LEMD1: variants seen among roughly 807,000 people sequenced by gnomAD.
The protein encoded by LEMD1 is LEM domain containing 1, also known as LEM domain-containing protein 1.
In LEMD1, 18 loss-of-function variants were observed where a neutral mutation model predicts 17.4. The ratio of observed to expected loss-of-function variants is 1.04; its 90% CI spans 0.72 to 1.54. The LOEUF (loss-of-function observed/expected upper bound fraction) is 1.54, where lower values mean the gene tolerates loss of function less well. Among genes scored for constraint, LEMD1 ranks in the 40% most tolerant of loss-of-function variants. The pLI is 0.00. For missense variants in LEMD1, 195 were observed against 210.4 expected, an observed-to-expected ratio of 0.93 and a Z score of 0.45; for synonymous variants, 88 against 77.8, an observed-to-expected ratio of 1.13 and a Z score of -0.69.
intron 1 of LEMD1, chr1:205,437,641 A>C (rs1030906017): frequency 6.6e-6 from 1 of 152,252 alleles, no homozygotes; most frequent in Non-Finnish European, 1.5e-5. Context: ...GGCAGAGGAA[A>C]CCTGCGACCC....
chr1:205,402,907 T>C (rs1424780333), intron 4 of LEMD1, among the ~76,000 whole-genome samples: 3 of 152,074 alleles, frequency 2.0e-5, no homozygotes, highest in Non-Finnish European at 4.4e-5. Flanking sequence ...GTTTTTAGCA[T>C]GAAGGGTTGT....
intron 4 of LEMD1, among the ~76,000 whole-genome samples, chr1:205,395,975 A>G (rs1664573709): frequency 6.6e-6 from 1 of 152,150 alleles, no homozygotes. Flanking sequence ...AAATCTAGCA[A>G]CGCTAAATTC....
chr1:205,393,606 G>A (rs1054978404), intron 4 of LEMD1, among the ~76,000 whole-genome samples: 2 of 151,990 alleles, frequency 1.3e-5, no homozygotes, highest in African/African-American at 4.8e-5. Flanking sequence ...AACCCAAGAG[G>A]CAGAGGTTGC....
chr1:205,444,809 G>A (rs1344307173), intron 1 of LEMD1, among the ~76,000 whole-genome samples: 1 of 151,808 alleles, frequency 6.6e-6, no homozygotes, highest in East Asian at 1.9e-4. Context: ...GGGATATTGC[G>A]CCCCCCACGA....
Position 205,409,882 on chromosome 1 carries a change from C to T in LEMD1, c.270+6350G>A, listed in dbSNP as rs1019165494. Among the ~76,000 whole-genome samples the T allele has an allele frequency of 3.9e-5, 6 of 152,254 alleles. No individual in the cohort carries two copies. The East Asian group carries it at 1.2e-3, about 29-fold the overall frequency. On this transcript the variant is annotated intron_variant, in intron 4 of 5. Transcript: ENST00000367153. Reference sequence around the variant, plus strand: ...CCACCTCCTGGGTTCAAGTGATTCTCCTGCCTCAGCCTCTGGAGTATCTGG... The same window carrying T: ...CCACCTCCTGGGTTCAAGTGATTCTTCTGCCTCAGCCTCTGGAGTATCTGG...
At chr1:205,396,632 A>G (rs1177657058) in intron 4 of LEMD1, among the ~76,000 whole-genome samples, 1 of 152,246 alleles carries the variant, frequency 6.6e-6, no homozygotes, top group Non-Finnish European at 1.5e-5. Flanking sequence ...AGCTACCAAT[A>G]ATGACCATGT....
intron 4 of LEMD1, among the ~76,000 whole-genome samples, chr1:205,406,882 A>G (rs948788912): frequency 1.3e-5 from 2 of 152,160 alleles, no homozygotes; most frequent in Admixed American, 6.5e-5. Context: ...TCTTATTCCT[A>G]GGTTCCTGAC....
At chr1:205,446,017 C>T (rs976115937) in intron 1 of LEMD1, among the ~76,000 whole-genome samples, 3 of 152,114 alleles carry the variant, frequency 2.0e-5, no homozygotes, top group Non-Finnish European at 4.4e-5. Flanking sequence ...AGGCCTTATG[C>T]TGGGTATATC....
intron 3 of LEMD1, among the ~76,000 whole-genome samples, chr1:205,417,211 T>C (rs1665732906): frequency 6.6e-6 from 1 of 152,200 alleles, no homozygotes; most frequent in South Asian, 2.1e-4. Context: ...AGGGTAGGAC[T>C]GAATCAACGC....
chr1:205,417,841 A>C (rs952519820), intron 3 of LEMD1, among the ~76,000 whole-genome samples: 2 of 151,928 alleles, frequency 1.3e-5, no homozygotes, highest in Non-Finnish European at 2.9e-5. Context: ...GTAAAAAAAA[A>C]AAAAAATGTA....
intron 1 of LEMD1, among the ~76,000 whole-genome samples, chr1:205,446,220 T>C (rs10793730): frequency 0.78 from 119,182 of 152,210 alleles, 49,826 homozygotes; most frequent in Non-Finnish European, 0.92. Flanking sequence ...GCCTGTCCCA[T>C]TGGCAGTAGC....
At chr1:205,394,125 A>C (rs1462643543) in intron 4 of LEMD1, among the ~76,000 whole-genome samples, 1 of 143,648 alleles carries the variant, frequency 7.0e-6, no homozygotes, top group Non-Finnish European at 1.5e-5. Flanking sequence ...TCACACATTG[A>C]ATGATTCCAT....
chr1:205,384,422 A>G, intron 4 of LEMD1, 58 bp from the exon 5 acceptor site: 2 of 1,135,916 alleles, frequency 1.8e-6, no homozygotes, highest in South Asian at 3.9e-5. Flanking sequence ...TATACAAATA[A>G]CCTTGGTTTT....
intron 4 of LEMD1, among the ~76,000 whole-genome samples, chr1:205,407,625 C>T (rs1665182893): frequency 6.6e-6 from 1 of 152,148 alleles, no homozygotes; most frequent in Non-Finnish European, 1.5e-5. Flanking sequence ...TGAGCTGTAT[C>T]CTTTAAAATA....
chr1:205,427,785 T>A (rs1193571826), intron 1 of LEMD1, among the ~76,000 whole-genome samples: 1 of 152,002 alleles, frequency 6.6e-6, no homozygotes, highest in Non-Finnish European at 1.5e-5. Flanking sequence ...GGAGAAGGAA[T>A]GAGGCTGAGA....
intron 4 of LEMD1, among the ~76,000 whole-genome samples, chr1:205,401,000 C>T (rs1664823361): frequency 6.7e-6 from 1 of 150,250 alleles, no homozygotes; most frequent in Admixed American, 6.7e-5. Flanking sequence ...TCCAATTTCA[C>T]CCATGTCCCT....
chr1:205,400,843 T>TCCCCCCCCCC (rs58251224), intron 4 of LEMD1, among the ~76,000 whole-genome samples: 18 of 79,666 alleles, frequency 2.3e-4, no homozygotes, highest in African/African-American at 3.4e-4. Context: ...ATGCTATCCC[T>TCCCCCCCCCC]CCCCCCCCCC....
At position 205,381,660 on chromosome 1, in the gene LEMD1, A is replaced by G. The variant is rs1558701211; in HGVS notation, c.544T>C (p.Ter182GlnextTer3). ...GCATTGCTTTGCTCCTAAATTACTT[A>G]ACCAAACAGCGACTTATTTTCCACA... ...LTVENKSLFG* is the reference protein window; with the variant it reads ...LTVENKSLFGQ Residue 182 changes from the stop codon to glutamine (Q), a stop_lost, in exon 6 of 6, where the codon TAA becomes CAA. Coordinates refer to ENST00000367153, the MANE Select transcript of LEMD1 (RefSeq NM_001199050.2). The G allele has an allele frequency of 2.5e-6, 4 of 1,613,966 alleles. No homozygotes were observed. Among genetic ancestry groups the G allele is most frequent in the Non-Finnish European group, 3.4e-6 (4 of 1,179,938 alleles).
chr1:205,408,886 C>A (rs1394753834), intron 4 of LEMD1, among the ~76,000 whole-genome samples: 1 of 152,036 alleles, frequency 6.6e-6, no homozygotes, highest in African/African-American at 2.4e-5. Flanking sequence ...AAAACAAGGC[C>A]TCTGTGACCC....
Sources: gnomAD v4.1 joint callset for allele counts (sites outside exome capture counted in the v4.1 genomes callset) on GRCh38, gnomAD v4.1.1 for gene constraint, MANE v1.5 for transcripts, NCBI Gene and HGNC (gene_info 2026-07-23, HGNC 2026-07-21) for gene names.